HIBCH: variants seen among roughly 807,000 people sequenced by gnomAD.
HIBCH encodes 3-hydroxyisobutyryl-CoA hydrolase, mitochondrial.
In HIBCH, 50 loss-of-function variants were observed where a neutral mutation model predicts 58.2. The ratio of observed to expected loss-of-function variants is 0.86; its 90% CI spans 0.68 to 1.09. HIBCH has a LOEUF of 1.09. HIBCH is among the 50% of genes least tolerant of loss of function. The probability of loss-of-function intolerance (pLI) is 0.00; values close to 1 mark genes in which losing one functional copy is unlikely to be tolerated. For synonymous variants in HIBCH, 151 were observed against 146.9 expected (o/e 1.03, Z -0.20); for missense variants, 450 against 449.7 (o/e 1.00, Z -0.01).
At chr2:190,202,494 A>G (rs577889459), downstream of HIBCH, 1 of 167,108 alleles carries the variant, frequency 6.0e-6, no homozygotes, top group African/African-American at 2.4e-5. Flanking sequence ...ATTACATGTG[A>G]TAGTTATCAT....
At chr2:190,232,724 C>T (rs555059413) in intron 11 of HIBCH, among the ~76,000 whole-genome samples, 15 of 152,204 alleles carry the variant, frequency 9.9e-5, no homozygotes, top group African/African-American at 2.6e-4. Flanking sequence ...TTTGGGAGGC[C>T]GAGGCAGGTG....
At chr2:190,190,261 T>TG (rs763122144) in intron 1 of HIBCH, among the ~76,000 whole-genome samples, 3 of 152,234 alleles carry the variant, frequency 2.0e-5, no homozygotes, top group Non-Finnish European at 4.4e-5. Flanking sequence ...ATCACTACTA[T>TG]GATTTCTATT....
Position 190,217,431 on chromosome 2 carries a change from T to G in HIBCH, c.892-4356A>C, listed in dbSNP as rs1055906119. ...CCCAGGAGATGGAGGTTGCAGTGAG[T>G]TGAGATCACACACTGCACTCCAGCC... On this transcript the variant is annotated intron_variant, in intron 11 of 13. Coordinates refer to ENST00000359678, the MANE Select transcript of HIBCH (RefSeq NM_014362.4). This position sits in a 1 kb window ranked among gnomAD's most constrained non-coding sequence, Gnocchi z 4.6. 3.3e-5 allele frequency among the ~76,000 whole-genome samples: 5 copies of G among 151,974 alleles called. No homozygotes were observed. Among genetic ancestry groups the G allele is most frequent in the African/African-American group, 1.2e-4 (5 of 41,350 alleles).
At chr2:190,255,525 A>G (rs1686894442) in intron 7 of HIBCH, among the ~76,000 whole-genome samples, 1 of 152,236 alleles carries the variant, frequency 6.6e-6, no homozygotes, top group African/African-American at 2.4e-5. Context: ...ACCTGAAACA[A>G]CTATAAAAAC....
chr2:190,287,263 T>G (rs1179013040), intron 6 of HIBCH, among the ~76,000 whole-genome samples: 2 of 152,188 alleles, frequency 1.3e-5, no homozygotes, highest in Non-Finnish European at 2.9e-5. Context: ...GGTTTCGCCA[T>G]GTAGGCCAGG....
intron 6 of HIBCH, among the ~76,000 whole-genome samples, chr2:190,263,052 A>C (rs1404497054): frequency 6.6e-6 from 1 of 152,200 alleles, no homozygotes; most frequent in Non-Finnish European, 1.5e-5. Context: ...ATCTTACATC[A>C]AAGAATCTAT....
downstream of HIBCH, chr2:190,203,127 T>C (rs1203768689): frequency 6.0e-6 from 1 of 167,072 alleles, no homozygotes; most frequent in Admixed American, 6.5e-5. Context: ...TCATTGGCCT[T>C]TTATCAAATG....
chr2:190,317,261 A>AT (rs1688727731), intron 1 of HIBCH, among the ~76,000 whole-genome samples: 1 of 152,182 alleles, frequency 6.6e-6, no homozygotes, highest in Non-Finnish European at 1.5e-5. Flanking sequence ...TCTGGCTCTC[A>AT]TAACTGTACT....
At position 190,319,811 on chromosome 2, in the gene HIBCH, C is replaced by A; in HGVS notation, c.-61G>T. ...AATCTCCCGGACCGTTCCAGCGCCT[C>A]GCGTGAGCCCCGCCCACCGCCGTCC... On this transcript the variant is annotated 5_prime_UTR_variant, in exon 1 of 14. Transcript: ENST00000359678. 5.1e-6 allele frequency: 8 copies of A among 1,579,062 alleles called. No individual in the cohort carries two copies. In the South Asian group the frequency reaches 9.3e-5, roughly 18 times the overall value.
At chr2:190,293,049 C>A (rs1168546163) in intron 4 of HIBCH, among the ~76,000 whole-genome samples, 1 of 152,088 alleles carries the variant, frequency 6.6e-6, no homozygotes, top group Admixed American at 6.5e-5. Flanking sequence ...TATTTCCAAA[C>A]ATCAATATAA....
intron 6 of HIBCH, among the ~76,000 whole-genome samples, chr2:190,265,425 G>A (rs1401688719): frequency 6.8e-6 from 1 of 147,978 alleles, no homozygotes; most frequent in Admixed American, 6.7e-5. Flanking sequence ...CTAATCTTTT[G>A]CTGTGAAACG....
At chr2:190,196,813 A>T (rs1205334314) in intron 1 of HIBCH, among the ~76,000 whole-genome samples, 1 of 152,176 alleles carries the variant, frequency 6.6e-6, no homozygotes, top group African/African-American at 2.4e-5. Context: ...TTGTGCTATA[A>T]TAGCAGAGCT....
At chr2:190,194,288 C>G (rs1689859543) in intron 1 of HIBCH, among the ~76,000 whole-genome samples, 1 of 152,036 alleles carries the variant, frequency 6.6e-6, no homozygotes, top group Non-Finnish European at 1.5e-5. Context: ...CGTATTTTTT[C>G]TTTGACTATT....
At chr2:190,212,823 G>C (rs1277636206) in intron 12 of HIBCH, 133 bp downstream of exon 12, 3 of 751,486 alleles carry the variant, frequency 4.0e-6, no homozygotes, top group Non-Finnish European at 6.6e-6. Context: ...TAACTGGCCT[G>C]TTGTGTTTTT....
chr2:190,280,897 T>A (rs939675181), intron 6 of HIBCH: 1 of 152,224 alleles, frequency 6.6e-6, no homozygotes, highest in Non-Finnish European at 1.5e-5. Context: ...TCTAAAACTT[T>A]TTAATAAACT....
intron 2 of HIBCH, among the ~76,000 whole-genome samples, chr2:190,300,470 C>A (rs1024632387): frequency 4.6e-5 from 7 of 151,214 alleles, no homozygotes; most frequent in Admixed American, 2.6e-4. Context: ...CTATCTTCTT[C>A]TAAAAAGTGT....
At position 190,216,936 on chromosome 2, in the gene HIBCH, T is replaced by C. The variant is rs1423670292; in HGVS notation, c.892-3861A>G. On this transcript the variant is annotated intron_variant, in intron 11 of 13. Transcript: ENST00000359678. The surrounding 1 kb of genome is among the most constrained non-coding windows in gnomAD (Gnocchi z 4.2). Reference sequence around the variant, plus strand: ...TGCTGGGTCACCAGCAGGGGTGGTGTGGAATACAAACAGTACAGCTCTCCG... The same window carrying C: ...TGCTGGGTCACCAGCAGGGGTGGTGCGGAATACAAACAGTACAGCTCTCCG... Among the ~76,000 whole-genome samples, 1 of 152,074 alleles carries C rather than the reference T, an allele frequency of 6.6e-6. No homozygotes were observed. Among genetic ancestry groups the C allele is most frequent in the Non-Finnish European group, 1.5e-5 (1 of 68,008 alleles).
At chr2:190,249,122 T>C (rs1686692150) in intron 9 of HIBCH, among the ~76,000 whole-genome samples, 1 of 152,192 alleles carries the variant, frequency 6.6e-6, no homozygotes, top group Non-Finnish European at 1.5e-5. Flanking sequence ...GGTTTATGCC[T>C]TTTCTTATTC....
At chr2:190,271,836 A>G (rs554268452) in intron 6 of HIBCH, among the ~76,000 whole-genome samples, 16 of 152,284 alleles carry the variant, frequency 1.1e-4, no homozygotes, top group African/African-American at 3.4e-4. Flanking sequence ...GCTTACCTCT[A>G]TGGCCTCAGA....
Sources: gnomAD v4.1 joint callset for allele counts (sites outside exome capture counted in the v4.1 genomes callset) on GRCh38, gnomAD v4.1.1 for gene constraint, Gnocchi (gnomAD v3.1) non-coding constraint, MANE v1.5 for transcripts, NCBI Gene and HGNC (gene_info 2026-07-23, HGNC 2026-07-21) for gene names.